Variants in TANC1 observed in about 807,000 individuals in gnomAD.
TANC1 encodes the protein tetratricopeptide repeat, ankyrin repeat and coiled-coil containing 1, also known as protein TANC1.
Under a neutral mutation model 149.7 loss-of-function variants are expected in TANC1, and 77 were observed. That is an observed-to-expected ratio of 0.51 (90% CI 0.43 to 0.62). The LOEUF is 0.62. TANC1 is among the 20% of genes least tolerant of loss of function. The pLI is 0.00. For synonymous variants in TANC1, 854 were observed against 925.0 expected, an observed-to-expected ratio of 0.92 and a Z score of 1.39; for missense variants, 1,985 against 2,321.8, an observed-to-expected ratio of 0.85 and a Z score of 2.98.
chr2:159,067,662 A>G (rs1307405220), intron 3 of TANC1, among the ~76,000 whole-genome samples: 1 of 152,124 alleles, frequency 6.6e-6, no homozygotes, highest in Non-Finnish European at 1.5e-5. Flanking sequence ...AAGCCTTTGT[A>G]ATTTCCAGCA....
At chr2:159,198,629 A>G (rs969057756) in intron 18 of TANC1, among the ~76,000 whole-genome samples, 5 of 152,222 alleles carry the variant, frequency 3.3e-5, no homozygotes, top group Non-Finnish European at 4.4e-5. Flanking sequence ...AAACTGATTC[A>G]CTATCTTGTG....
chr2:159,211,354 G>GT (rs1333442468), intron 19 of TANC1, among the ~76,000 whole-genome samples: 1 of 152,212 alleles, frequency 6.6e-6, no homozygotes, highest in African/African-American at 2.4e-5. Context: ...ATCTGTTCAC[G>GT]TTGATTTTTG....
chr2:159,023,584 C>T (rs1226312183), intron 2 of TANC1, among the ~76,000 whole-genome samples: 1 of 152,038 alleles, frequency 6.6e-6, no homozygotes, highest in Non-Finnish European at 1.5e-5. Context: ...TCAAGCAATC[C>T]TCCCACCTTG....
At chr2:159,207,704 A>AAAAAAAAAC (rs1224573146) in intron 19 of TANC1, among the ~76,000 whole-genome samples, 2 of 133,710 alleles carry the variant, frequency 1.5e-5, no homozygotes, top group East Asian at 3.9e-4. Flanking sequence ...TCTCAAAAAA[A>AAAAAAAAAC]AAAAAAAAAA....
chr2:159,179,232 G>T, intron 14 of TANC1, 69 bp downstream of exon 14: 3 of 1,527,122 alleles, frequency 2.0e-6, no homozygotes, highest in Non-Finnish European at 2.6e-6. Flanking sequence ...GGATTTAAAT[G>T]TGATGCACGT....
chr2:159,228,371 G>T, intron 25 of TANC1: 1 of 258,036 alleles, frequency 3.9e-6, no homozygotes, highest in Non-Finnish European at 7.4e-6. Context: ...GTAACCGGTC[G>T]TGGGGAACTC....
At chr2:158,990,019 G>A (rs183746087) in intron 1 of TANC1, among the ~76,000 whole-genome samples, 2,279 of 151,938 alleles carry the variant, frequency 0.015, 27 homozygotes, top group Non-Finnish European at 0.02. Context: ...GGGTTCAAGC[G>A]ATTCTCCTGC....
intron 2 of TANC1, among the ~76,000 whole-genome samples, chr2:159,061,914 T>C (rs2042262063): frequency 1.3e-5 from 2 of 152,176 alleles, no homozygotes; most frequent in African/African-American, 4.8e-5. Context: ...GTTTGGTCAG[T>C]ATTTGAGTTA....
intron 2 of TANC1, among the ~76,000 whole-genome samples, chr2:159,059,888 T>TTGTG (rs140659801): frequency 0.1 from 11,684 of 114,532 alleles, 646 homozygotes; most frequent in East Asian, 0.14. Flanking sequence ...GCAGACCTCT[T>TTGTG]TGTGTGTGTG....
intron 2 of TANC1, among the ~76,000 whole-genome samples, chr2:159,059,523 A>ATAT (rs57468385): frequency 1.7e-5 from 2 of 118,750 alleles, no homozygotes; most frequent in Middle Eastern, 4.3e-3. Flanking sequence ...CCAAATATAT[A>ATAT]AAAAAAAAAG....
chr2:159,110,363 G>C (rs536506343), intron 4 of TANC1, among the ~76,000 whole-genome samples: 1 of 152,228 alleles, frequency 6.6e-6, no homozygotes, highest in Non-Finnish European at 1.5e-5. Context: ...CTGCTGTACA[G>C]TGAGTAGGCA....
At chr2:159,187,452 G>T (rs567762730) in intron 16 of TANC1, among the ~76,000 whole-genome samples, 1 of 152,334 alleles carries the variant, frequency 6.6e-6, no homozygotes, top group African/African-American at 2.4e-5. Context: ...AAACATCGAG[G>T]TTTCATGTAT....
At chr2:159,199,289 A>G (rs1485729069) in intron 19 of TANC1, among the ~76,000 whole-genome samples, 1 of 152,252 alleles carries the variant, frequency 6.6e-6, no homozygotes, top group African/African-American at 2.4e-5. Context: ...TTAGACTAGC[A>G]GTTACGGTAC....
chr2:159,215,826 T>C (rs1559474293), intron 19 of TANC1, among the ~76,000 whole-genome samples: 1 of 152,222 alleles, frequency 6.6e-6, no homozygotes, highest in Non-Finnish European at 1.5e-5. Context: ...ACTTGGTCAG[T>C]CGTGTTTAGC....
chr2:158,983,468 C>CAAAAAAAAAAAAAAAAAAAAAAAAAA (rs35472970), intron 1 of TANC1, among the ~76,000 whole-genome samples: 8 of 88,832 alleles, frequency 9.0e-5, no homozygotes, highest in African/African-American at 3.2e-4. Context: ...CTCCGTCTCC[C>CAAAAAAAAAAAAAAAAAAAAAAAAAA]AAAAAAAAAA....
chr2:159,001,502 A>G lies in TANC1; in HGVS notation c.-16+313A>G, dbSNP rs1209148984. 6.6e-6 allele frequency among the ~76,000 whole-genome samples: 1 copy of G among 152,234 alleles called. No individual in the cohort carries two copies. The highest frequency in any genetic ancestry group is 1.5e-5 in the Non-Finnish European group (1 of 68,042). ...CTGAACTATATACTTAAAAATGGTTAAAACGGTAAATTTTATGTCTATTTT... is the reference window on the plus strand; with the variant it reads ...CTGAACTATATACTTAAAAATGGTTGAAACGGTAAATTTTATGTCTATTTT... On this transcript the variant is annotated intron_variant, in intron 2 of 26. Transcript: ENST00000263635. This position sits in a 1 kb window ranked among gnomAD's most constrained non-coding sequence, Gnocchi z 4.3.
intron 3 of TANC1, among the ~76,000 whole-genome samples, chr2:159,080,106 C>A (rs1401147371): frequency 6.6e-6 from 1 of 152,182 alleles, no homozygotes; most frequent in Non-Finnish European, 1.5e-5. Context: ...AATGGGCACC[C>A]CATGCCTATA....
chr2:159,144,955 T>C (rs1450940282), intron 5 of TANC1, among the ~76,000 whole-genome samples: 1 of 152,202 alleles, frequency 6.6e-6, no homozygotes, highest in Non-Finnish European at 1.5e-5. Context: ...CACATGGTGA[T>C]AGGTCACATG....
Position 159,219,706 on chromosome 2 carries a change from TCTC to T in TANC1, c.3518_3520del (p.Ser1173del). The stretch of plus-strand genomic sequence containing the variant: ...TTTCCTTTCAGGTGCAGCCCTTTCT[TCTC>T]TAGACAAAGAGGGTCTGTCAGCATT... On this transcript the variant is annotated inframe_deletion, in exon 22 of 27. Coordinates refer to ENST00000263635, the MANE Select transcript of TANC1 (RefSeq NM_033394.3). 1 of 1,614,236 alleles carries T rather than the reference TCTC, an allele frequency of 6.2e-7. No individual in the cohort carries two copies. The highest frequency in any genetic ancestry group is 8.5e-7 in the Non-Finnish European group (1 of 1,180,044).
Sources: allele counts gnomAD v4.1 joint callset (sites outside exome capture counted in the v4.1 genomes callset), GRCh38; gene constraint gnomAD v4.1.1; non-coding constraint Gnocchi (gnomAD v3.1); transcripts MANE v1.5; gene names NCBI Gene and HGNC (gene_info 2026-07-23, HGNC 2026-07-21).